AXIN2: variants seen among roughly 807,000 people sequenced by gnomAD.
AXIN2 encodes axin 2.
Under a neutral mutation model 74.7 loss-of-function variants are expected in AXIN2, and 21 were observed. The ratio of observed to expected loss-of-function variants is 0.28; its 90% confidence interval spans 0.20 to 0.40. The LOEUF is 0.40. Among genes scored for constraint, AXIN2 ranks in the 10% least tolerant of loss-of-function variants. AXIN2 has a pLI of 1.00. For missense variants in AXIN2, 1,144 were observed against 1,111.1 expected (o/e 1.03, Z -0.42); for synonymous variants, 532 against 454.9 (o/e 1.17, Z -2.16).
intron 1 of AXIN2, chr17:65,559,343 G>A (rs1598121457): frequency 7.8e-6 from 1 of 128,042 alleles, no homozygotes; most frequent in Admixed American, 1.0e-4. Flanking sequence ...CCCAAGAGAA[G>A]CCCGCCCAGC....
chr17:65,543,532 CA>C lies in AXIN2; in HGVS notation c.957-1976del, dbSNP rs747236178. On this transcript the variant is annotated intron_variant, in intron 3 of 10. Coordinates refer to ENST00000307078, the MANE Select transcript of AXIN2 (RefSeq NM_004655.4). ...TGGACCTATAATCAGACTTCATTCT[CA>C]TAAGAACCTTAATGAGCCACATTTT... 1.3e-5 allele frequency among the ~76,000 whole-genome samples: 2 copies of C among 152,176 alleles called. 1 individual carries two copies. The highest frequency in any genetic ancestry group is 3.9e-4 in the East Asian group (2 of 5,192).
chr17:65,546,238 T>G (rs2144522636), intron 3 of AXIN2, among the ~76,000 whole-genome samples: 1 of 152,192 alleles, frequency 6.6e-6, no homozygotes, highest in East Asian at 1.9e-4. Flanking sequence ...TCTTATCCCC[T>G]CTAAGCTTCC....
At chr17:65,541,310 CTT>C in intron 4 of AXIN2, 143 bp downstream of exon 4, 1 of 755,292 alleles carries the variant, frequency 1.3e-6, no homozygotes. Flanking sequence ...TTGTCCAGTT[CTT>C]TTCTCTCCCT....
Position 65,536,381 on chromosome 17 carries a change from G to T in AXIN2, c.2080C>A (p.Leu694Met), listed in dbSNP as rs1325648219. The T allele has an allele frequency of 6.2e-7, 1 of 1,613,788 alleles. No individual in the cohort carries two copies. Among genetic ancestry groups the T allele is most frequent in the Non-Finnish European group, 8.5e-7 (1 of 1,179,998 alleles). Residue 694 changes from leucine to methionine, a missense_variant, in exon 8 of 11, where the codon CTG (leucine) becomes ATG (methionine). Physicochemically the swap from Leu to Met is conservative, Grantham distance 15 (BLOSUM62 2). Transcript: ENST00000307078. ...AMPPLTPPNT[L>M]AQLEEACRRL... ...CGACAGGCCTCCTCCAGCTGAGCCA[G>T]CGTGTTGGGTGGGGTCAGGGGAGGC...
chr17:65,536,817 G>A, intron 7 of AXIN2, 52 bp downstream of exon 7: 4 of 1,608,508 alleles, frequency 2.5e-6, no homozygotes, highest in South Asian at 1.1e-5. Flanking sequence ...CAATACCTCC[G>A]TACTGAGTGC....
chr17:65,560,343 CT>C (rs1326985913), intron 1 of AXIN2: 1 of 150,098 alleles, frequency 6.7e-6, no homozygotes, highest in Non-Finnish European at 1.5e-5. Context: ...CTGTGGGCCC[CT>C]TAGCGCGGAC....
At chr17:65,544,857 C>T (rs552150929) in intron 3 of AXIN2, among the ~76,000 whole-genome samples, 1 of 152,250 alleles carries the variant, frequency 6.6e-6, no homozygotes, top group South Asian at 2.1e-4. Flanking sequence ...CATTTTCTGG[C>T]GACTTTGAAA....
Position 65,535,662 on chromosome 17 carries a change from G to A in AXIN2, c.2201C>T (p.Ala734Val), listed in dbSNP as rs2144432919. The change falls in exon 9 of 11, where the codon GCC becomes GTC. Residue 734 changes from alanine (A) to valine (V), a missense_variant. Coordinates refer to ENST00000307078, the MANE Select transcript of AXIN2 (RefSeq NM_004655.4). Reference sequence around the variant, plus strand: ...CAGGCTTGGATTGGAGAAGGGTGTGGCTCCCGTCTGAACAGTGGCCGAATG... The same window carrying A: ...CAGGCTTGGATTGGAGAAGGGTGTGACTCCCGTCTGAACAGTGGCCGAATG... ...RNHSATVQTG[A>V]TPFSNPSLAP... 1.9e-6 allele frequency: 3 copies of A among 1,614,182 alleles called. No individual in the cohort carries two copies. The highest frequency in any genetic ancestry group is 2.5e-6 in the Non-Finnish European group (3 of 1,180,034).
chr17:65,528,718 T>TA lies in AXIN2; in HGVS notation c.*1257dup. 1 of 503,940 alleles carries TA rather than the reference T, an allele frequency of 2.0e-6. No homozygotes were observed. Among genetic ancestry groups the TA allele is most frequent in the Non-Finnish European group, 3.7e-6 (1 of 268,618 alleles). 31.2% of individuals were successfully genotyped at this position (503,940 alleles called of 1,614,324 possible). A position where few individuals can be genotyped will look rare whatever the true frequency, so the allele number is the denominator to read the frequency against. ...CAAAAGTCATTGAGTACAAGACTTG[T>TA]AATAAAAAGGCATAAAATATATTTA... On this transcript the variant is annotated 3_prime_UTR_variant, in exon 11 of 11. Transcript: ENST00000307078.
rs142670753 is a variant in AXIN2, at chr17:65,536,486, G to A, written c.1975C>T (p.Arg659Trp). 2.5e-4 allele frequency: 406 copies of A among 1,613,866 alleles called. 4 individuals carry two copies. In the Middle Eastern group the frequency reaches 0.012, roughly 47 times the overall value. Residue 659 changes from arginine to tryptophan, a missense_variant, in exon 8 of 11, where the codon CGG (arginine) becomes TGG (tryptophan). By Grantham distance (101) the Arg-to-Trp change is moderately radical. Coordinates refer to ENST00000307078, the MANE Select transcript of AXIN2 (RefSeq NM_004655.4). The part of the protein sequence containing the change: ...ARSSPGERAS[R>W]HHLWGGNSGH... ...CTGTTGCCCCCCCACAGATGGTGCCGGCTGGCTCGTTCGCCTGGAGACGAG... is the reference window on the plus strand; with the variant it reads ...CTGTTGCCCCCCCACAGATGGTGCCAGCTGGCTCGTTCGCCTGGAGACGAG...
intron 10 of AXIN2, among the ~76,000 whole-genome samples, chr17:65,531,312 C>T (rs903401090): frequency 1.3e-5 from 2 of 151,992 alleles, no homozygotes; most frequent in Non-Finnish European, 2.9e-5. Context: ...TGGGTTTAGT[C>T]AAGGTTCTTT....
rs780233103 is a variant in AXIN2, at chr17:65,536,532, G to A, written c.1929C>T (p.Ala643=). The change falls in exon 8 of 11, where the codon GCC becomes GCT. Residue 643 remains alanine (A), a synonymous_variant. Coordinates refer to ENST00000307078, the MANE Select transcript of AXIN2 (RefSeq NM_004655.4). ...KPHSAQSTKK[A]YPLESARSSP... ...ACGAGCGGGCAGACTCCAAGGGGTA[G>A]GCCTTTTTTGTGCTTTGGGCACTAA... is the stretch of plus-strand genomic sequence containing the variant. The A allele has an allele frequency of 5.0e-6, 8 of 1,613,734 alleles. No homozygotes were observed. Among genetic ancestry groups the A allele is most frequent in the African/African-American group, 2.7e-5 (2 of 74,952 alleles).
At chr17:65,532,780 C>T (rs969425588) in intron 10 of AXIN2, among the ~76,000 whole-genome samples, 4 of 152,240 alleles carry the variant, frequency 2.6e-5, no homozygotes, top group Non-Finnish European at 5.9e-5. Flanking sequence ...GCCCTGGTGG[C>T]GGCAACGGGT....
chr17:65,537,360 G>C lies in AXIN2; in HGVS notation c.1676C>G (p.Ser559Cys), dbSNP rs1060502126. ...GCTGGGCATGGTTTCCGGAGCCTTG[G>C]AGTGGCTTTTGCATTTCGAGTAGCA... The part of the protein sequence containing the change: ...YYCYSKCKSH[S>C]KAPETMPSEQ... Residue 559 changes from serine to cysteine, a missense_variant, in exon 6 of 11, where the codon TCC becomes TGC. Physicochemically the swap from Ser to Cys is moderately radical, Grantham distance 112. Coordinates refer to ENST00000307078, the MANE Select transcript of AXIN2 (RefSeq NM_004655.4). The C allele has an allele frequency of 1.9e-6, 3 of 1,614,172 alleles. No individual in the cohort carries two copies. Among genetic ancestry groups the C allele is most frequent in the East Asian group, 2.2e-5 (1 of 44,828 alleles).
rs746773698 is a variant in AXIN2 at position 65,534,056 on chromosome 17, G to A, written c.2261C>T (p.Ala754Val). ...ACTGGCCTGGAGCGCGTGGACACCT[G>A]CCAGTTTCTTTGGCTCTTTGTGACT... Reference protein sequence around the residue: ...PEDHKEPKKLAGVHALQASEL... With the variant: ...PEDHKEPKKLVGVHALQASEL... The change falls in exon 10 of 11, where the codon GCA becomes GTA. Residue 754 changes from alanine (A) to valine (V), a missense_variant. By Grantham distance (64) the Ala-to-Val change is moderately conservative. Coordinates refer to ENST00000307078, the MANE Select transcript of AXIN2 (RefSeq NM_004655.4). The A allele has an allele frequency of 3.1e-6, 5 of 1,614,216 alleles. No homozygotes were observed. Among genetic ancestry groups the A allele is most frequent in the Non-Finnish European group, 8.5e-7 (1 of 1,180,036 alleles).
rs765518896 is a variant in AXIN2, at chr17:65,538,311, G to A, written c.1092C>T (p.Pro364=). The change falls in exon 5 of 11, where the codon CCC becomes CCT. Residue 364 remains proline, a synonymous_variant. Transcript: ENST00000307078. ...RTHRLPKEMT[P]VEPATFAAEL... is the part of the protein sequence containing the mutation. ...CAGCTGCAAAGGTGGCGGGTTCCACGGGGGTCATCTCCTTGGGCAGGCGGT... is the reference window on the plus strand; with the variant it reads ...CAGCTGCAAAGGTGGCGGGTTCCACAGGGGTCATCTCCTTGGGCAGGCGGT... 2.4e-5 allele frequency: 39 copies of A among 1,614,084 alleles called. No individual in the cohort carries two copies. The East Asian group carries it at 4.5e-4, about 18-fold the overall frequency.
chr17:65,536,910 CCA>C lies in AXIN2; in HGVS notation c.1864_1865del (p.Trp622AspfsTer5). On this transcript the variant is annotated frameshift_variant, in exon 7 of 11. Transcript: ENST00000307078. LOFTEE classifies it high-confidence loss of function. ...TGCTCTGCCGCTCACTCTCCAGCATCCACTGCCAGACATCCTGCGACCTGTCT... is the reference window on the plus strand; with the variant it reads ...TGCTCTGCCGCTCACTCTCCAGCATCCTGCCAGACATCCTGCGACCTGTCT... ...EGDRSQDVWQ[W>X]MLESERQSKP... 6.2e-7 allele frequency: 1 copy of C among 1,613,716 alleles called. No homozygotes were observed. Among genetic ancestry groups the C allele is most frequent in the Non-Finnish European group, 8.5e-7 (1 of 1,180,012 alleles).
In AXIN2 at chr17:65,537,558, G is replaced by C. The variant is rs367697282; in HGVS notation, c.1478C>G (p.Ser493Trp). The C allele has an allele frequency of 5.0e-6, 8 of 1,611,834 alleles. No individual in the cohort carries two copies. In the African/African-American group the frequency reaches 9.4e-5, roughly 19 times the overall value. The stretch of plus-strand genomic sequence containing the variant: ...CCCGAGGAGGGGGCAGGCGCCCGGC[G>C]AGGCGGCCGCGGGAGGCAGCTTGCC... ...PGGKLPPAAA[S>W]PGACPLLGGK... The change falls in exon 6 of 11, where the codon TCG (serine) becomes TGG (tryptophan). Residue 493 changes from serine (S) to tryptophan (W), a missense_variant. Ser to Trp is a radical substitution (Grantham distance 177). Transcript: ENST00000307078.
intron 3 of AXIN2, among the ~76,000 whole-genome samples, chr17:65,547,238 A>C (rs1322807616): frequency 6.6e-6 from 1 of 152,210 alleles, no homozygotes; most frequent in Non-Finnish European, 1.5e-5. Flanking sequence ...TCTTTCTAAA[A>C]AGCAGTCTTG....
Sources: allele counts gnomAD v4.1 joint callset (sites outside exome capture counted in the v4.1 genomes callset), GRCh38; gene constraint gnomAD v4.1.1; transcripts MANE v1.5; gene names NCBI Gene and HGNC (gene_info 2026-07-23, HGNC 2026-07-21).